The following IGSF22 variants were observed in gnomAD, a reference collection of about 807,000 sequenced individuals.
IGSF22 encodes immunoglobulin superfamily member 22.
In IGSF22, 119 loss-of-function variants were observed where a neutral mutation model predicts 127.0. That is an observed-to-expected ratio of 0.94 (90% CI 0.81 to 1.09). IGSF22 has a LOEUF of 1.09. IGSF22 is among the 50% of genes least tolerant of loss of function. IGSF22 has a pLI of 0.00. For missense variants in IGSF22, 1,518 were observed against 1,716.6 expected (o/e 0.88, Z 2.04); for synonymous variants, 568 against 664.7 (o/e 0.85, Z 2.24).
At chr11:18,719,447 G>A (rs897705519) in intron 7 of IGSF22, among the ~76,000 whole-genome samples, 3 of 152,072 alleles carry the variant, frequency 2.0e-5, no homozygotes, top group Non-Finnish European at 2.9e-5. Flanking sequence ...GATTACAGGC[G>A]TGAGCCACTG....
chr11:18,719,468 A>G (rs1422747692), intron 7 of IGSF22, among the ~76,000 whole-genome samples: 1 of 152,194 alleles, frequency 6.6e-6, no homozygotes, highest in East Asian at 1.9e-4. Flanking sequence ...CACCCAGCCT[A>G]GAACTGGGAT....
chr11:18,722,639 G>T (rs1848594556), intron 2 of IGSF22, among the ~76,000 whole-genome samples: 1 of 151,282 alleles, frequency 6.6e-6, no homozygotes, highest in East Asian at 1.9e-4. Flanking sequence ...AACTGTTTTT[G>T]CAGTATAAAA....
intron 1 of IGSF22, among the ~76,000 whole-genome samples, chr11:18,724,961 C>T (rs1590459876): frequency 6.6e-6 from 1 of 152,174 alleles, no homozygotes; most frequent in East Asian, 1.9e-4. Context: ...TTCTAGACCT[C>T]CATCATGCAA....
chr11:18,716,873 C>T lies in IGSF22; in HGVS notation c.1101G>A (p.Leu367=). ...TGATTTCATACTTGTCATCCCTCTT[C>T]AGCTCCTTCCCATTGAACTTCCACA... ...NFVWKFNGKE[L]KRDDKYEITV... Residue 367 remains leucine, a synonymous_variant, in exon 10 of 23, where the codon CTG becomes CTA. Coordinates refer to ENST00000513874, the MANE Select transcript of IGSF22 (RefSeq NM_173588.4). The surrounding 1 kb of genome is among the most constrained non-coding windows in gnomAD (Gnocchi z 4.5). 1.2e-6 allele frequency: 2 copies of T among 1,614,224 alleles called. No homozygotes were observed. Among genetic ancestry groups the T allele is most frequent in the South Asian group, 2.2e-5 (2 of 91,082 alleles).
At chr11:18,720,438 G>T (rs183961150) in intron 4 of IGSF22, among the ~76,000 whole-genome samples, 153 bp from the exon 5 acceptor site, 1 of 151,948 alleles carries the variant, frequency 6.6e-6, no homozygotes, top group African/African-American at 2.4e-5. Flanking sequence ...TGTATGATTT[G>T]GAGGTACCAG....
chr11:18,707,098 G>A lies in IGSF22; in HGVS notation c.3396C>T (p.Ile1132=), dbSNP rs1848252947. 1 of 1,551,718 alleles carries A rather than the reference G, an allele frequency of 6.4e-7. No individual in the cohort carries two copies. The highest frequency in any genetic ancestry group is 8.7e-7 in the Non-Finnish European group (1 of 1,146,992). Residue 1132 remains isoleucine, a synonymous_variant, in exon 21 of 23, where the codon ATC becomes ATT. Transcript: ENST00000513874. ...VQEDGEAHYI[I]MKRDASTATW... ...TGGCTGTGCTTGCATCCCGCTTCATGATGATGTAGTGAGCCTCACCGTCCT... is the reference window on the plus strand; with the variant it reads ...TGGCTGTGCTTGCATCCCGCTTCATAATGATGTAGTGAGCCTCACCGTCCT...
Position 18,719,790 on chromosome 11 carries a change from T to G in IGSF22, c.622A>C (p.Met208Leu), listed in dbSNP as rs776299464. The G allele has an allele frequency of 1.9e-6, 3 of 1,614,218 alleles. No individual in the cohort carries two copies. The highest frequency in any genetic ancestry group is 2.5e-6 in the Non-Finnish European group (3 of 1,180,034). Reference protein sequence around the residue: ...VPKKDFEKVCMEYGFTDFRGL... With the variant: ...VPKKDFEKVCLEYGFTDFRGL... Reference sequence around the variant, plus strand: ...CGAAAGTCGGTGAAACCATACTCCATGCACACCTTCTCAAAGTCTTTCTTG... The same window carrying G: ...CGAAAGTCGGTGAAACCATACTCCAGGCACACCTTCTCAAAGTCTTTCTTG... Residue 208 changes from methionine to leucine, a missense_variant, in exon 7 of 23, where the codon ATG becomes CTG. Met to Leu is a conservative substitution (Grantham distance 15). This residue lies in a region of IGSF22 where 1,456 missense variants were observed against 1,644.9 expected (regional missense o/e 0.89). Coordinates refer to ENST00000513874, the MANE Select transcript of IGSF22 (RefSeq NM_173588.4).
At position 18,714,729 on chromosome 11, in the gene IGSF22, C is replaced by T. The variant is rs528804227; in HGVS notation, c.1532-105G>A. On this transcript the variant is annotated intron_variant, in intron 11 of 22. Transcript: ENST00000513874. Reference sequence around the variant, plus strand: ...GTCATGGGACTGGTCAGGGGTGCTGCGTCAATCAAAATAATTTATGATGAG... The same window carrying T: ...GTCATGGGACTGGTCAGGGGTGCTGTGTCAATCAAAATAATTTATGATGAG... The T allele has an allele frequency of 6.7e-5, 95 of 1,424,630 alleles. No individual in the cohort carries two copies. In the African/African-American group the frequency reaches 7.7e-4, roughly 12 times the overall value. The allele number at this position is 1,424,630 out of a possible 1,614,324, so 88.2% of individuals were successfully genotyped here. A position where few individuals can be genotyped will look rare whatever the true frequency, so the allele number is the denominator to read the frequency against.
At position 18,707,855 on chromosome 11, in the gene IGSF22, GCAAGA is replaced by G. The variant is rs752608507; in HGVS notation, c.3224_3228del (p.Ile1075ThrfsTer4). ...CGTGCTTCTCCAAACTCATTCTGAA[GCAAGA>G]TTCGGTACACCCCTGAGTCAGAGCG... is the stretch of plus-strand genomic sequence containing the variant. On this transcript the variant is annotated frameshift_variant, in exon 20 of 23. Transcript: ENST00000513874. LOFTEE classifies it high-confidence loss of function. The G allele has an allele frequency of 1.2e-6, 2 of 1,613,478 alleles. No homozygotes were observed. The highest frequency in any genetic ancestry group is 2.2e-5 in the South Asian group (2 of 90,894).
intron 14 of IGSF22, among the ~76,000 whole-genome samples, chr11:18,712,953 CCTCTT>C (rs1848384927): frequency 6.6e-6 from 1 of 152,084 alleles, no homozygotes. Flanking sequence ...CAGGCCAGCT[CCTCTT>C]CTCTTTTCTT....
At position 18,719,702 on chromosome 11, in the gene IGSF22, T is replaced by C; in HGVS notation, c.696+14A>G. ...CCCTAGCCTGCAGGCCCCTGCTCCC[T>C]GCAGGGTACTTACCTCCACCTCTAC... On this transcript the variant is annotated intron_variant, in intron 7 of 22. Coordinates refer to ENST00000513874, the MANE Select transcript of IGSF22 (RefSeq NM_173588.4). 2 of 1,613,146 alleles carry C rather than the reference T, an allele frequency of 1.2e-6. No homozygotes were observed. Among genetic ancestry groups the C allele is most frequent in the South Asian group, 2.2e-5 (2 of 90,990 alleles).
chr11:18,722,145 A>G (rs1459058092), intron 2 of IGSF22, 104 bp from the exon 3 acceptor site: 3 of 1,394,296 alleles, frequency 2.2e-6, no homozygotes, highest in African/African-American at 1.4e-5. Flanking sequence ...GGGAACAAAG[A>G]GCATTTAGGG....
In IGSF22 at chr11:18,717,043, C is replaced by T. The variant is rs573727562; in HGVS notation, c.974-43G>A. The T allele has an allele frequency of 3.5e-4, 559 of 1,602,314 alleles. 7 individuals carry two copies. The South Asian group carries it at 5.8e-3, about 17-fold the overall frequency. Reference sequence around the variant, plus strand: ...AGTGGTAGTCATTGGGCTGGTCCCTCCTGAGGGGTGGAGTGGTGAAGAGGG... The same window carrying T: ...AGTGGTAGTCATTGGGCTGGTCCCTTCTGAGGGGTGGAGTGGTGAAGAGGG... On this transcript the variant is annotated intron_variant, in intron 9 of 22. Coordinates refer to ENST00000513874, the MANE Select transcript of IGSF22 (RefSeq NM_173588.4).
Position 18,724,208 on chromosome 11 carries a change from A to G in IGSF22, c.29T>C (p.Leu10Pro). 1 of 1,614,012 alleles carries G rather than the reference A, an allele frequency of 6.2e-7. No individual in the cohort carries two copies. The highest frequency in any genetic ancestry group is 8.5e-7 in the Non-Finnish European group (1 of 1,179,880). The change falls in exon 2 of 23, where the codon CTG becomes CCG. Residue 10 changes from leucine (L) to proline (P), a missense_variant. By Grantham distance (98) the Leu-to-Pro change is moderately conservative. This residue lies in a region of IGSF22 where 1,456 missense variants were observed against 1,644.9 expected (regional missense o/e 0.89). Transcript: ENST00000513874. Reference protein sequence around the residue: MTTIHSRQMLQEHVSMEFSS... With the variant: MTTIHSRQMPQEHVSMEFSS... ...GAACTCCATGGACACGTGCTCCTGC[A>G]GCATCTGCCGGCTGTGAATGGTTGT...
intron 20 of IGSF22, 71 bp from the exon 21 acceptor site, chr11:18,707,284 G>T (rs1244510178): frequency 7.4e-7 from 1 of 1,343,014 alleles, no homozygotes. Context: ...CCAGCCATCT[G>T]CCAAGTCCGA....
chr11:18,714,087 C>A lies in IGSF22; in HGVS notation c.1860G>T (p.Lys620Asn). Residue 620 changes from lysine to asparagine, a missense_variant, in exon 14 of 23, where the codon AAG becomes AAT. Coordinates refer to ENST00000513874, the MANE Select transcript of IGSF22 (RefSeq NM_173588.4). ...EALAAHAITV[K>N]VGHTAHIKVP... ...CCTTGATGTGGGCCGTGTGGCCTAC[C>A]TTCACAGTGATGGCGTGCGCAGCCA... 1 of 1,614,248 alleles carries A rather than the reference C, an allele frequency of 6.2e-7. No homozygotes were observed. The highest frequency in any genetic ancestry group is 8.5e-7 in the Non-Finnish European group (1 of 1,180,042).
chr11:18,718,731 G>C lies in IGSF22; in HGVS notation c.697-3C>G, dbSNP rs1211119542. ...AGGGGCTTCAGAATCCGGATGGCCT[G>C]AGAGATTATGATAATAAAATGACAA... On this transcript the variant is annotated splice_polypyrimidine_tract_variant and splice_region_variant and intron_variant, in intron 7 of 22. Coordinates refer to ENST00000513874, the MANE Select transcript of IGSF22 (RefSeq NM_173588.4). 6.4e-7 allele frequency: 1 copy of C among 1,568,456 alleles called. No homozygotes were observed. The highest frequency in any genetic ancestry group is 8.8e-7 in the Non-Finnish European group (1 of 1,139,650).
In IGSF22 at chr11:18,720,199, C is replaced by A. The variant is rs1406215167; in HGVS notation, c.465G>T (p.Leu155=). 1 of 1,613,992 alleles carries A rather than the reference C, an allele frequency of 6.2e-7. No individual in the cohort carries two copies. Among genetic ancestry groups the A allele is most frequent in the Non-Finnish European group, 8.5e-7 (1 of 1,179,980 alleles). The change falls in exon 5 of 23, where the codon CTG becomes CTT. Residue 155 remains leucine, a synonymous_variant. Coordinates refer to ENST00000513874, the MANE Select transcript of IGSF22 (RefSeq NM_173588.4). The part of the protein sequence containing the change: ...DHADAIYTVS[L]LVTEGQEKMD... ...GGGCCAACTCACCTTCTGTTACCAG[C>A]AGAGATACGGTATAGATGGCATCTG...
intron 7 of IGSF22, among the ~76,000 whole-genome samples, chr11:18,719,255 C>A (rs1848518796): frequency 6.6e-6 from 1 of 152,108 alleles, no homozygotes; most frequent in African/African-American, 2.4e-5. Context: ...AGCAATTCTC[C>A]TGTTTCAGCC....
Sources: gnomAD v4.1 joint callset for allele counts (sites outside exome capture counted in the v4.1 genomes callset) on GRCh38, gnomAD v4.1.1 for gene constraint, gnomAD v4.1.1 regional missense constraint, Gnocchi (gnomAD v3.1) non-coding constraint, MANE v1.5 for transcripts, NCBI Gene and HGNC (gene_info 2026-07-23, HGNC 2026-07-21) for gene names.